The following MYH15 variants were observed in gnomAD, a reference collection of about 807,000 sequenced individuals.
MYH15 encodes myosin heavy chain 15.
In MYH15, 227 loss-of-function variants were observed where a neutral mutation model predicts 240.5. The ratio of observed to expected loss-of-function variants is 0.94; its 90% CI spans 0.85 to 1.05. The LOEUF (loss-of-function observed/expected upper bound fraction) is 1.05, where lower values mean the gene tolerates loss of function less well. Ranked by LOEUF, MYH15 falls within the 50% of genes least tolerant of loss-of-function variation. The pLI, the probability that MYH15 is intolerant of heterozygous loss-of-function variation, is 0.00. For missense variants in MYH15, 2,217 were observed against 2,247.5 expected, an observed-to-expected ratio of 0.99 and a Z score of 0.27; for synonymous variants, 785 against 796.7, an observed-to-expected ratio of 0.99 and a Z score of 0.25.
At chr3:108,512,680 A>G (rs1446343011), upstream of MYH15, among the ~76,000 whole-genome samples, 1 of 152,160 alleles carries the variant, frequency 6.6e-6, no homozygotes, top group African/African-American at 2.4e-5. Flanking sequence ...CCATGTGCTT[A>G]TATTTCATAA....
chr3:108,505,426 C>T (rs992175307), intron 2 of MYH15, among the ~76,000 whole-genome samples: 13 of 152,030 alleles, frequency 8.6e-5, no homozygotes, highest in African/African-American at 2.9e-4. Flanking sequence ...TGTACCACCA[C>T]GACTGGTTTA....
rs750028475 is a variant in MYH15 at position 108,441,214 on chromosome 3, ATC to A, written c.2700_2701del (p.Ile901Ter). 35 of 1,614,080 alleles carry A rather than the reference ATC, an allele frequency of 2.2e-5. No individual in the cohort carries two copies. The African/African-American group carries it at 3.9e-4, about 18-fold the overall frequency. On this transcript the variant is annotated frameshift_variant, in exon 23 of 41. Transcript: ENST00000693548. LOFTEE classifies it high-confidence loss of function. ...GGCCTCCAGCTGGATCTTGGATTTAATCAGCCACTCGCACTGCTCTTCAACAT... is the reference window on the plus strand; with the variant it reads ...GGCCTCCAGCTGGATCTTGGATTTAAAGCCACTCGCACTGCTCTTCAACAT...
At chr3:108,444,486 A>G (rs2082910667) in intron 22 of MYH15, among the ~76,000 whole-genome samples, 154 bp downstream of exon 22, 1 of 152,212 alleles carries the variant, frequency 6.6e-6, no homozygotes, top group South Asian at 2.1e-4. Flanking sequence ...GAAACAGGGT[A>G]TCTCTTTGTT....
intron 27 of MYH15, among the ~76,000 whole-genome samples, chr3:108,424,872 T>C (rs1035197517): frequency 5.9e-5 from 9 of 152,240 alleles, no homozygotes; most frequent in African/African-American, 2.2e-4. Flanking sequence ...GGATTTGGAA[T>C]TGGAGTTCAT....
chr3:108,525,574 G>A (rs75784091), intron 1 of MYH15, among the ~76,000 whole-genome samples: 2,004 of 152,188 alleles, frequency 0.013, 44 homozygotes, highest in African/African-American at 0.046. Flanking sequence ...AATCAATTGG[G>A]CCAAAAACAC....
chr3:108,533,934 C>T (rs567099819), upstream of MYH15, among the ~76,000 whole-genome samples: 1 of 152,284 alleles, frequency 6.6e-6, no homozygotes, highest in Admixed American at 6.5e-5. Context: ...TTGAGTGAGG[C>T]TGAATCTATA....
chr3:108,381,425 T>C lies in MYH15; in HGVS notation c.*120A>G, dbSNP rs2082342670. On this transcript the variant is annotated 3_prime_UTR_variant, in exon 41 of 41. Transcript: ENST00000693548. The stretch of plus-strand genomic sequence containing the variant: ...TATTTTTCTAATTGCCTTGTTTATA[T>C]GGTGTGAAAAGCAATTTAAACATGT... 1 of 1,115,194 alleles carries C rather than the reference T, an allele frequency of 9.0e-7. No homozygotes were observed. The allele number at this position is 1,115,194 out of a possible 1,614,324, so 69.1% of individuals were successfully genotyped here.
intron 11 of MYH15, among the ~76,000 whole-genome samples, chr3:108,481,534 T>C (rs952505739): frequency 9.9e-5 from 15 of 152,142 alleles, no homozygotes; most frequent in African/African-American, 2.7e-4. Context: ...GCTTTTCTAA[T>C]AAGGTAACAT....
rs1357328549 is a variant in MYH15, at chr3:108,441,082, T to G, written c.2834A>C (p.Glu945Ala). 1 of 1,614,166 alleles carries G rather than the reference T, an allele frequency of 6.2e-7. No individual in the cohort carries two copies. The highest frequency in any genetic ancestry group is 1.7e-5 in the Admixed American group (1 of 60,022). The change falls in exon 23 of 41, where the codon GAA (glutamate) becomes GCA (alanine). Residue 945 changes from glutamate to alanine, a missense_variant. Glu to Ala is a moderately radical substitution (Grantham distance 107). Coordinates refer to ENST00000693548, the MANE Select transcript of MYH15 (RefSeq NM_014981.3). ...CAACATTGTTTCCAGGTCATCGATTTCTTTCTTCAACTCAAAACATTCATC... is the reference window on the plus strand; with the variant it reads ...CAACATTGTTTCCAGGTCATCGATTGCTTTCTTCAACTCAAAACATTCATC... ...LEDECFELKK[E>A]IDDLETMLVK...
At chr3:108,398,601 C>G in intron 35 of MYH15, 36 bp downstream of exon 35, 1 of 1,605,928 alleles carries the variant, frequency 6.2e-7, no homozygotes, top group Non-Finnish European at 8.5e-7. Flanking sequence ...CTTCAACCAA[C>G]TGGCCCAGCT....
Position 108,480,701 on chromosome 3 carries a change from G to C in MYH15, c.1115-4186C>G, listed in dbSNP as rs1324018367. On this transcript the variant is annotated intron_variant, in intron 11 of 40. Coordinates refer to ENST00000693548, the MANE Select transcript of MYH15 (RefSeq NM_014981.3). ...TTTCCAGTCTGAGAAGTAGAAAGAA[G>C]AACAATACCATAAATATGAATAGAA... Among the ~76,000 whole-genome samples the C allele has an allele frequency of 2.0e-5, 3 of 152,086 alleles. No individual in the cohort carries two copies. The East Asian group carries it at 5.8e-4, about 29-fold the overall frequency.
chr3:108,385,985 G>C (rs1369132959), intron 38 of MYH15, among the ~76,000 whole-genome samples: 1 of 152,160 alleles, frequency 6.6e-6, no homozygotes, highest in Non-Finnish European at 1.5e-5. Flanking sequence ...TCAGGAGGCA[G>C]GGATGAATAT....
chr3:108,506,142 T>A (rs1294510701), intron 1 of MYH15, among the ~76,000 whole-genome samples: 1 of 152,070 alleles, frequency 6.6e-6, no homozygotes, highest in Non-Finnish European at 1.5e-5. Flanking sequence ...ACCCCAGGAC[T>A]TTGGTGGTTG....
chr3:108,503,593 A>G (rs1020018074), intron 2 of MYH15, among the ~76,000 whole-genome samples: 3 of 152,252 alleles, frequency 2.0e-5, no homozygotes, highest in African/African-American at 7.2e-5. Context: ...TGCAAATAAA[A>G]ATCACATTAA....
At chr3:108,425,648 G>A (rs550497001) in intron 27 of MYH15, among the ~76,000 whole-genome samples, 7 of 152,214 alleles carry the variant, frequency 4.6e-5, no homozygotes, top group Non-Finnish European at 2.9e-5. Flanking sequence ...TTCAGAGGAA[G>A]TGCCAGCTTC....
chr3:108,466,889 G>A (rs913662464), intron 14 of MYH15, among the ~76,000 whole-genome samples: 1 of 152,048 alleles, frequency 6.6e-6, no homozygotes, highest in African/African-American at 2.4e-5. Context: ...CATAAACCTA[G>A]GGCAGGATTT....
At chr3:108,516,336 A>C (rs971027145) in intron 1 of MYH15, among the ~76,000 whole-genome samples, 24 of 152,230 alleles carry the variant, frequency 1.6e-4, no homozygotes, top group African/African-American at 5.5e-4. Context: ...ATCTTTTGAC[A>C]TAGCCTCTTC....
intron 33 of MYH15, among the ~76,000 whole-genome samples, chr3:108,400,754 A>G (rs1045190235): frequency 1.3e-5 from 2 of 152,170 alleles, no homozygotes; most frequent in Non-Finnish European, 1.5e-5. Flanking sequence ...GGTTGCAGTG[A>G]GCCAAGTTTG....
intron 40 of MYH15, 43 bp from the exon 41 acceptor site, chr3:108,381,602 T>C (rs1451533757): frequency 6.2e-7 from 1 of 1,608,626 alleles, no homozygotes; most frequent in Non-Finnish European, 8.5e-7. Context: ...TTTCCTGTGA[T>C]TTTCACCAGT....
Sources: gnomAD v4.1 joint callset for allele counts (sites outside exome capture counted in the v4.1 genomes callset) on GRCh38, gnomAD v4.1.1 for gene constraint, MANE v1.5 for transcripts, NCBI Gene and HGNC (gene_info 2026-07-23, HGNC 2026-07-21) for gene names.